The following STRIP1 variants were observed in gnomAD, a reference collection of about 807,000 sequenced individuals.
The protein encoded by STRIP1 is striatin-interacting protein 1.
In STRIP1, 63 loss-of-function variants were observed where a neutral mutation model predicts 106.2. The observed-to-expected ratio is 0.59, with a 90% CI of 0.48 to 0.73. The LOEUF (loss-of-function observed/expected upper bound fraction) is 0.73, where lower values mean the gene tolerates loss of function less well. STRIP1 is among the 30% of genes least tolerant of loss of function. The pLI is 0.00. For missense variants in STRIP1, 857 were observed against 1,074.8 expected (o/e 0.80, Z 2.83); for synonymous variants, 390 against 413.0 (o/e 0.94, Z 0.67).
Position 110,043,204 on chromosome 1 carries a change from C to T in STRIP1, c.1002C>T (p.Ala334=). The part of the protein sequence containing the change: ...SIKVIRNMRA[A]SPPASASDLI... ...AAGTGATTCGCAACATGAGAGCAGC[C>T]TCTCCACCAGCATCTGCTTCAGACT... The change falls in exon 9 of 21, where the codon GCC becomes GCT. Residue 334 remains alanine, a synonymous_variant. Transcript: ENST00000369795. The T allele has an allele frequency of 6.2e-7, 1 of 1,613,956 alleles. No homozygotes were observed. Among genetic ancestry groups the T allele is most frequent in the Non-Finnish European group, 8.5e-7 (1 of 1,180,046 alleles).
At chr1:110,049,636 T>A in intron 17 of STRIP1, 76 bp downstream of exon 17, 1 of 1,058,756 alleles carries the variant, frequency 9.4e-7, no homozygotes, top group Admixed American at 1.9e-5. Context: ...TCCCACTGTG[T>A]CCATTTTTCC....
chr1:110,050,755 A>G (rs1202479441), intron 18 of STRIP1, among the ~76,000 whole-genome samples: 1 of 152,194 alleles, frequency 6.6e-6, no homozygotes, highest in Non-Finnish European at 1.5e-5. Context: ...TATTTCCTGC[A>G]GGAAAAGTCT....
chr1:110,048,421 A>C, intron 15 of STRIP1: 1 of 159,928 alleles, frequency 6.3e-6, no homozygotes, highest in Admixed American at 5.8e-5. Flanking sequence ...AAGGACCTGG[A>C]CCTTGACCTG....
At chr1:110,048,478 G>A (rs940910637) in intron 15 of STRIP1, among the ~76,000 whole-genome samples, 1 of 152,240 alleles carries the variant, frequency 6.6e-6, no homozygotes, top group Non-Finnish European at 1.5e-5. Flanking sequence ...GCTCCTGGGT[G>A]GCTGTGGCCC....
At position 110,039,882 on chromosome 1, in the gene STRIP1, CAT is replaced by C. The variant is rs778558344; in HGVS notation, c.581+370_581+371del. 3.9e-6 allele frequency: 5 copies of C among 1,296,040 alleles called. No individual in the cohort carries two copies. The Admixed American group carries it at 6.9e-5, about 18-fold the overall frequency. The allele number at this position is 1,296,040 out of a possible 1,614,324, so 80.3% of individuals were successfully genotyped here. On this transcript the variant is annotated intron_variant, in intron 5 of 20. Coordinates refer to ENST00000369795, the MANE Select transcript of STRIP1 (RefSeq NM_033088.4). Reference sequence around the variant, plus strand: ...GGCAGGAGGCCAGGCACAAGACTGACATATGGGCTCAACCAGTGCCTGGCCTT... The same window carrying C: ...GGCAGGAGGCCAGGCACAAGACTGACATGGGCTCAACCAGTGCCTGGCCTT...
intron 12 of STRIP1, 119 bp downstream of exon 12, chr1:110,045,197 C>T (rs532960113): frequency 2.8e-5 from 23 of 831,086 alleles, no homozygotes; most frequent in South Asian, 7.6e-5. Flanking sequence ...GGGTAGAGGC[C>T]GGGGTGGACT....
At chr1:110,046,604 G>A in intron 12 of STRIP1, 76 bp from the exon 13 acceptor site, 5 of 1,286,218 alleles carry the variant, frequency 3.9e-6, no homozygotes, top group Non-Finnish European at 5.7e-6. Flanking sequence ...CAAATGTGTG[G>A]GGATTTTGCT....
intron 13 of STRIP1, 136 bp downstream of exon 13, chr1:110,046,887 T>TAA (rs796963444): frequency 4.4e-4 from 193 of 438,032 alleles, no homozygotes; most frequent in Middle Eastern, 7.4e-4. Flanking sequence ...CCGTCTCTAC[T>TAA]AAAAAAAAAA....
intron 6 of STRIP1, 112 bp from the exon 7 acceptor site, chr1:110,041,424 G>A: frequency 7.1e-6 from 5 of 700,380 alleles, no homozygotes; most frequent in Non-Finnish European, 1.2e-5. Context: ...CATTTATTCA[G>A]ATACCATTTA....
chr1:110,043,389 A>G, intron 9 of STRIP1, 119 bp downstream of exon 9: 2 of 1,098,554 alleles, frequency 1.8e-6, no homozygotes, highest in Non-Finnish European at 2.6e-6. Context: ...AGTCAGAATC[A>G]TGCCTCCACA....
intron 1 of STRIP1, among the ~76,000 whole-genome samples, chr1:110,035,817 G>A (rs1482841016): frequency 2.6e-5 from 4 of 152,210 alleles, no homozygotes. Flanking sequence ...TGTGGAATCA[G>A]TTCCTCAGAA....
intron 1 of STRIP1, among the ~76,000 whole-genome samples, chr1:110,036,190 C>T (rs1003092290): frequency 5.9e-5 from 9 of 152,180 alleles, no homozygotes; most frequent in Non-Finnish European, 1.3e-4. Context: ...CAGTGGCTCA[C>T]GCCTGTAATC....
intron 15 of STRIP1, among the ~76,000 whole-genome samples, chr1:110,048,910 T>A (rs1029063497): frequency 2.0e-5 from 3 of 152,102 alleles, no homozygotes; most frequent in African/African-American, 7.2e-5. Context: ...GAGGGCATCA[T>A]GGGGAAGAAA....
At chr1:110,051,460 A>G (rs1018835029) in intron 19 of STRIP1, among the ~76,000 whole-genome samples, 2 of 152,182 alleles carry the variant, frequency 1.3e-5, no homozygotes, top group African/African-American at 4.8e-5. Flanking sequence ...TCAGATTCCA[A>G]AGTGACACAT....
Position 110,041,573 on chromosome 1 carries a change from G to A in STRIP1, c.688G>A (p.Val230Ile), listed in dbSNP as rs200637648. ...CATCATGTACCTGATAGTGGAGACC[G>A]TTCATCAGGAGTGTGAGGGTGACAA... ...LNIMYLIVET[V>I]HQECEGDKAE... is the part of the protein sequence containing the mutation. Residue 230 changes from valine (V) to isoleucine (I), a missense_variant, in exon 7 of 21, where the codon GTT becomes ATT. Physicochemically the swap from Val to Ile is conservative, Grantham distance 29 (BLOSUM62 3). Coordinates refer to ENST00000369795, the MANE Select transcript of STRIP1 (RefSeq NM_033088.4). The A allele has an allele frequency of 1.4e-5, 23 of 1,614,046 alleles. No homozygotes were observed. In the East Asian group the frequency reaches 2.7e-4, roughly 19 times the overall value.
chr1:110,035,595 A>G (rs1652414866), intron 1 of STRIP1, among the ~76,000 whole-genome samples: 1 of 152,124 alleles, frequency 6.6e-6, no homozygotes, highest in African/African-American at 2.4e-5. Flanking sequence ...AATTCCTCCC[A>G]CTGCCTCCTT....
chr1:110,039,070 T>C (rs969765356), intron 3 of STRIP1, 102 bp from the exon 4 acceptor site: 1 of 1,366,878 alleles, frequency 7.3e-7, no homozygotes, highest in Non-Finnish European at 1.0e-6. Context: ...GTAACTTATC[T>C]TTCTGGTCCT....
chr1:110,034,623 T>G (rs747853731), upstream of STRIP1: 3 of 1,511,042 alleles, frequency 2.0e-6, no homozygotes, highest in South Asian at 1.2e-5. Context: ...AAGCTGGGGG[T>G]GTGGAGCAGC....
upstream of STRIP1, among the ~76,000 whole-genome samples, chr1:110,032,875 G>GT (rs1427178813): frequency 6.6e-6 from 1 of 152,144 alleles, no homozygotes; most frequent in Non-Finnish European, 1.5e-5. Flanking sequence ...GATTGAACTT[G>GT]TAAACATCAC....
Sources: allele counts gnomAD v4.1 joint callset (sites outside exome capture counted in the v4.1 genomes callset), GRCh38; gene constraint gnomAD v4.1.1; transcripts MANE v1.5; gene names NCBI Gene and HGNC (gene_info 2026-07-23, HGNC 2026-07-21).